Variants in SEMA5A observed in about 807,000 individuals in gnomAD.
SEMA5A encodes the protein semaphorin-5A.
In SEMA5A, 55 loss-of-function variants were observed where a neutral mutation model predicts 135.5. The observed-to-expected ratio is 0.41, with a 90% CI of 0.33 to 0.51. SEMA5A has a LOEUF of 0.51. SEMA5A is among the 20% of genes least tolerant of loss of function. The pLI is 0.37. For synonymous variants in SEMA5A, 580 were observed against 546.5 expected, an observed-to-expected ratio of 1.06 and a Z score of -0.85; for missense variants, 1,290 against 1,419.9, an observed-to-expected ratio of 0.91 and a Z score of 1.47.
intron 18 of SEMA5A, among the ~76,000 whole-genome samples, chr5:9,055,534 G>A (rs140151839): frequency 8.5e-5 from 13 of 152,246 alleles, no homozygotes; most frequent in African/African-American, 3.1e-4. Context: ...CTGTCATGAT[G>A]TATTACATCA....
chr5:9,296,194 T>C (rs925808263), intron 5 of SEMA5A, among the ~76,000 whole-genome samples: 1 of 152,202 alleles, frequency 6.6e-6, no homozygotes, highest in Admixed American at 6.5e-5. Flanking sequence ...AAAATATCAG[T>C]TATTTTAAAA....
chr5:9,311,603 G>A (rs1375362336), intron 5 of SEMA5A, among the ~76,000 whole-genome samples: 2 of 131,382 alleles, frequency 1.5e-5, no homozygotes, highest in East Asian at 5.5e-4. Context: ...TGGGGTCGGG[G>A]GAGGGGGGAG....
At chr5:9,537,866 A>G (rs920723514) in intron 1 of SEMA5A, among the ~76,000 whole-genome samples, 2 of 152,232 alleles carry the variant, frequency 1.3e-5, no homozygotes, top group Non-Finnish European at 2.9e-5. Flanking sequence ...AATGCATATG[A>G]GTGCTAAAGG....
intron 16 of SEMA5A, among the ~76,000 whole-genome samples, chr5:9,083,477 A>G (rs1427621660): frequency 6.6e-6 from 1 of 152,190 alleles, no homozygotes; most frequent in African/African-American, 2.4e-5. Context: ...TAATTTAAAC[A>G]CGTACATGTT....
intron 16 of SEMA5A, among the ~76,000 whole-genome samples, chr5:9,083,586 TCATC>T (rs60509063): frequency 0.12 from 5,325 of 44,944 alleles, 135 homozygotes; most frequent in South Asian, 0.13. Flanking sequence ...ATTCATCCAT[TCATC>T]CATCCATCCA....
chr5:9,478,311 C>T (rs112337733), intron 1 of SEMA5A, among the ~76,000 whole-genome samples: 2,688 of 152,262 alleles, frequency 0.018, 78 homozygotes, highest in African/African-American at 0.06. Flanking sequence ...GGTTGGAGGC[C>T]CCATACAGAA....
intron 11 of SEMA5A, among the ~76,000 whole-genome samples, chr5:9,167,124 G>A (rs1181395505): frequency 7.2e-5 from 11 of 152,092 alleles, no homozygotes; most frequent in Non-Finnish European, 1.5e-4. Flanking sequence ...CTTACTCAGT[G>A]GAATAAGAAA....
chr5:9,328,990 T>C (rs986878946), intron 4 of SEMA5A, among the ~76,000 whole-genome samples: 1 of 152,158 alleles, frequency 6.6e-6, no homozygotes, highest in Non-Finnish European at 1.5e-5. Flanking sequence ...CTTCCCCCTC[T>C]CTGTCACCAA....
chr5:9,340,556 G>C (rs923298991), intron 3 of SEMA5A, among the ~76,000 whole-genome samples: 1 of 152,228 alleles, frequency 6.6e-6, no homozygotes, highest in African/African-American at 2.4e-5. Flanking sequence ...CGGGAAGGCA[G>C]TTTTGCTACT....
intron 1 of SEMA5A, among the ~76,000 whole-genome samples, chr5:9,467,787 T>C (rs1561277357): frequency 1.3e-5 from 2 of 152,180 alleles, no homozygotes. Context: ...CCAGCGTGGG[T>C]CTGGCGTCCT....
In SEMA5A at chr5:9,522,060, G is replaced by A. The variant is rs143308011; in HGVS notation, c.-175+23524C>T. ...ACAGCCTCCCCGTCGCATAGCCTTC[G>A]CCTGCATGGATTGAACTTAGCAGCC... On this transcript the variant is annotated intron_variant, in intron 1 of 22. Coordinates refer to ENST00000382496, the MANE Select transcript of SEMA5A (RefSeq NM_003966.3). 2.1e-3 allele frequency among the ~76,000 whole-genome samples: 322 copies of A among 152,206 alleles called. 1 individual carries two copies. In the South Asian group the frequency reaches 0.033, roughly 16 times the overall value.
chr5:9,231,064 T>C (rs1747602177), intron 6 of SEMA5A, among the ~76,000 whole-genome samples: 1 of 152,076 alleles, frequency 6.6e-6, no homozygotes, highest in African/African-American at 2.4e-5. Context: ...TTGGGACAAG[T>C]TCAACTGAAA....
At chr5:9,198,425 G>A (rs1745532923) in intron 9 of SEMA5A, among the ~76,000 whole-genome samples, 1 of 152,136 alleles carries the variant, frequency 6.6e-6, no homozygotes, top group Non-Finnish European at 1.5e-5. Flanking sequence ...CCTAAGGCTG[G>A]CTCCAAATGC....
At chr5:9,457,269 A>G (rs1758873945) in intron 1 of SEMA5A, among the ~76,000 whole-genome samples, 1 of 152,248 alleles carries the variant, frequency 6.6e-6, no homozygotes, top group African/African-American at 2.4e-5. Context: ...AGCTCCTCAG[A>G]GGAGTAGAAA....
chr5:9,096,784 G>A (rs943489675), intron 16 of SEMA5A, among the ~76,000 whole-genome samples: 1 of 151,946 alleles, frequency 6.6e-6, no homozygotes, highest in Non-Finnish European at 1.5e-5. Context: ...AAATGTCAAG[G>A]GACTTGAAAA....
At chr5:9,211,018 T>A (rs190951004) in intron 8 of SEMA5A, among the ~76,000 whole-genome samples, 1 of 152,294 alleles carries the variant, frequency 6.6e-6, no homozygotes, top group East Asian at 1.9e-4. Context: ...ACTGCAGCCA[T>A]CCCACAAGGC....
intron 3 of SEMA5A, among the ~76,000 whole-genome samples, chr5:9,341,829 G>T (rs1753668570): frequency 6.6e-6 from 1 of 151,546 alleles, no homozygotes; most frequent in Non-Finnish European, 1.5e-5. Context: ...ATGGTCTCCA[G>T]CAATGATTTT....
Position 9,379,859 on chromosome 5 carries a change from A to C in SEMA5A, c.88T>G (p.Cys30Gly). The stretch of plus-strand genomic sequence containing the variant: ...ATGACTGGATGCTCGGTTCTCTGGC[A>C]CTGAGTCGTACCCTGGGCCTCTGGG... Reference protein sequence around the residue: ...AHPEAQGTTQCQRTEHPVISY... With the variant: ...AHPEAQGTTQGQRTEHPVISY... The change falls in exon 3 of 23, where the codon TGC becomes GGC. Residue 30 changes from cysteine to glycine, a missense_variant. Physicochemically the swap from Cys to Gly is radical, Grantham distance 159. Around this residue, in one of 3 missense-constraint regions of SEMA5A, gnomAD observed 116 missense variants for 121.3 expected, o/e 0.96. Coordinates refer to ENST00000382496, the MANE Select transcript of SEMA5A (RefSeq NM_003966.3). 1 of 1,613,846 alleles carries C rather than the reference A, an allele frequency of 6.2e-7. No individual in the cohort carries two copies. The highest frequency in any genetic ancestry group is 8.5e-7 in the Non-Finnish European group (1 of 1,179,952).
chr5:9,313,046 T>A (rs1752215134), intron 5 of SEMA5A, among the ~76,000 whole-genome samples: 1 of 152,152 alleles, frequency 6.6e-6, no homozygotes, highest in Non-Finnish European at 1.5e-5. Flanking sequence ...TGCTGGCTGC[T>A]GGATGGAAAA....
Sources: allele counts gnomAD v4.1 joint callset (sites outside exome capture counted in the v4.1 genomes callset), GRCh38; gene constraint gnomAD v4.1.1; regional missense constraint gnomAD v4.1.1; transcripts MANE v1.5; gene names NCBI Gene and HGNC (gene_info 2026-07-23, HGNC 2026-07-21).